PCDH15: variants seen among roughly 807,000 people sequenced by gnomAD.
PCDH15 encodes the protein protocadherin-15.
PCDH15 carries 129 observed loss-of-function variants against 178.5 expected under a neutral mutation model. The observed-to-expected ratio is 0.72, with a 90% CI of 0.63 to 0.84. PCDH15 has a LOEUF of 0.84. Ranked by LOEUF, PCDH15 falls within the 40% of genes least tolerant of loss-of-function variation. PCDH15 has a pLI of 0.00. For missense variants in PCDH15, 2,230 were observed against 2,099.9 expected, an observed-to-expected ratio of 1.06 and a Z score of -1.21; for synonymous variants, 800 against 732.0, an observed-to-expected ratio of 1.09 and a Z score of -1.50.
chr10:54,831,704 C>T (rs915158532), intron 3 of PCDH15, among the ~76,000 whole-genome samples: 1 of 151,956 alleles, frequency 6.6e-6, no homozygotes, highest in Non-Finnish European at 1.5e-5. Context: ...ATTTTCATTT[C>T]CAGGCATATT....
intron 20 of PCDH15, among the ~76,000 whole-genome samples, chr10:54,005,784 G>A (rs746022901): frequency 7.9e-5 from 12 of 151,842 alleles, no homozygotes; most frequent in Non-Finnish European, 1.5e-4. Context: ...GCTATCATAC[G>A]ATCCAGAAAT....
chr10:54,273,244 C>G (rs1832646343), intron 8 of PCDH15, among the ~76,000 whole-genome samples: 1 of 150,874 alleles, frequency 6.6e-6, no homozygotes, highest in African/African-American at 2.4e-5. Flanking sequence ...GTGAAAATTA[C>G]ATAAAAAGGA....
chr10:55,433,820 A>G (rs1239001578), intron 2 of PCDH15, among the ~76,000 whole-genome samples: 2 of 151,930 alleles, frequency 1.3e-5, no homozygotes, highest in African/African-American at 4.8e-5. Flanking sequence ...GGTGTAAGGC[A>G]GGGATACTTG....
chr10:54,877,693 G>A (rs967689688), intron 3 of PCDH15, among the ~76,000 whole-genome samples: 2 of 152,040 alleles, frequency 1.3e-5, no homozygotes, highest in Non-Finnish European at 2.9e-5. Context: ...GTTTGGGAGA[G>A]AAGTATTGAA....
At position 54,008,152 on chromosome 10, in the gene PCDH15, A is replaced by G. The variant is rs368071597; in HGVS notation, c.2751+12040T>C. On this transcript the variant is annotated intron_variant, in intron 20 of 37. Coordinates refer to ENST00000644397, the MANE Select transcript of PCDH15 (RefSeq NM_001384140.1). ...TTCCTACAAATTTTATTATGCTTAG[A>G]TGAACTTGGAATAAAAAAGTGGTAT... Among the ~76,000 whole-genome samples the G allele has an allele frequency of 2.6e-3, 389 of 152,306 alleles. 3 individuals are homozygous for G. The highest frequency in any genetic ancestry group is 6.8e-3 in the Middle Eastern group (2 of 294).
intron 6 of PCDH15, among the ~76,000 whole-genome samples, chr10:54,345,464 G>T (rs967185081): frequency 1.3e-5 from 2 of 151,940 alleles, no homozygotes; most frequent in African/African-American, 4.8e-5. Context: ...TTGCTTTGGG[G>T]GGCCCGTGGG....
rs76037503 is a variant in PCDH15 at position 54,857,294 on chromosome 10, A to C, written c.-29+40156T>G. 2.4e-3 allele frequency among the ~76,000 whole-genome samples: 371 copies of C among 152,332 alleles called. 2 individuals carry two copies. Among genetic ancestry groups the C allele is most frequent in the African/African-American group, 7.5e-3 (310 of 41,582 alleles). ...AAATATAAACTAATTCTAACAGTGA[A>C]TTTCATAGAGATAAAAATCTCAAAA... On this transcript the variant is annotated intron_variant, in intron 3 of 5. Coordinates refer to the PCDH15 transcript ENST00000458638.
intron 2 of PCDH15, among the ~76,000 whole-genome samples, chr10:55,605,535 A>G (rs934276109): frequency 2.7e-5 from 4 of 150,794 alleles, no homozygotes; most frequent in Non-Finnish European, 5.9e-5. Flanking sequence ...GCACATCAAA[A>G]AGCTTATCCA....
chr10:55,539,337 TATCATTATCATC>T (rs1251044711), intron 2 of PCDH15, among the ~76,000 whole-genome samples: 2 of 152,054 alleles, frequency 1.3e-5, no homozygotes, highest in Non-Finnish European at 2.9e-5. Context: ...ATCATTTTAC[TATCATTATCATC>T]ATCATTATCA....
intron 10 of PCDH15, among the ~76,000 whole-genome samples, chr10:54,207,995 C>G (rs1205355104): frequency 2.0e-5 from 3 of 151,916 alleles, no homozygotes; most frequent in Non-Finnish European, 4.4e-5. Context: ...CATTTTTAAG[C>G]CAGTTGATAA....
At chr10:54,703,763 T>C (rs916259466) in intron 1 of PCDH15, among the ~76,000 whole-genome samples, 1 of 152,060 alleles carries the variant, frequency 6.6e-6, no homozygotes. Context: ...TACTCATATA[T>C]AGCAAGAATC....
At chr10:53,841,971 C>G (rs1289582184) in intron 28 of PCDH15, among the ~76,000 whole-genome samples, 3 of 151,164 alleles carry the variant, frequency 2.0e-5, no homozygotes, top group Admixed American at 1.3e-4. Context: ...AAAAACAACC[C>G]CGGGAACCTG....
At chr10:54,641,834 T>A (rs2134980223) in intron 2 of PCDH15, among the ~76,000 whole-genome samples, 1 of 152,252 alleles carries the variant, frequency 6.6e-6, no homozygotes. Context: ...ATCATGATGT[T>A]ACTATTTCTG....
intron 1 of PCDH15, among the ~76,000 whole-genome samples, chr10:54,762,292 A>G (rs1204819004): frequency 6.6e-6 from 1 of 152,174 alleles, no homozygotes; most frequent in Non-Finnish European, 1.5e-5. Context: ...TTTGCTGGAG[A>G]TATTAGCAGA....
intron 1 of PCDH15, among the ~76,000 whole-genome samples, chr10:55,243,833 C>A (rs1353123018): frequency 6.6e-6 from 1 of 152,012 alleles, no homozygotes; most frequent in African/African-American, 2.4e-5. Context: ...TGAATTTATT[C>A]CTTTGTTTAG....
upstream of PCDH15, among the ~76,000 whole-genome samples, chr10:54,802,037 C>A (rs530013873): frequency 3.6e-4 from 54 of 152,104 alleles, no homozygotes; most frequent in Non-Finnish European, 7.1e-4. Flanking sequence ...AAGGAAGGAT[C>A]TAGAAACAAG....
At chr10:53,814,292 A>C (rs897309517) in intron 35 of PCDH15, among the ~76,000 whole-genome samples, 1 of 152,220 alleles carries the variant, frequency 6.6e-6, no homozygotes, top group Non-Finnish European at 1.5e-5. Context: ...AATAGTAAGA[A>C]ACACGAAATA....
intron 2 of PCDH15, among the ~76,000 whole-genome samples, chr10:55,479,514 C>G (rs1044666224): frequency 6.6e-6 from 1 of 151,440 alleles, no homozygotes; most frequent in African/African-American, 2.4e-5. Context: ...AGGAACATAT[C>G]TCAGCACAAT....
intron 18 of PCDH15, among the ~76,000 whole-genome samples, chr10:54,039,302 A>G (rs1027877619): frequency 1.3e-5 from 2 of 151,972 alleles, no homozygotes; most frequent in African/African-American, 2.4e-5. Context: ...GATAGATTGG[A>G]GTCCAGAGAT....
Sources: allele counts gnomAD v4.1 joint callset (sites outside exome capture counted in the v4.1 genomes callset), GRCh38; gene constraint gnomAD v4.1.1; transcripts MANE v1.5; gene names NCBI Gene and HGNC (gene_info 2026-07-23, HGNC 2026-07-21).